Variants in SPPL2A observed in about 807,000 individuals in gnomAD.
SPPL2A encodes signal peptide peptidase-like 2A.
SPPL2A carries 51 observed loss-of-function variants against 63.8 expected under a neutral mutation model. The ratio of observed to expected loss-of-function variants is 0.80; its 90% CI spans 0.64 to 1.01. The LOEUF is 1.01. SPPL2A is among the 50% of genes least tolerant of loss of function. SPPL2A has a pLI of 0.00. For missense variants in SPPL2A, 553 were observed against 622.7 expected, an observed-to-expected ratio of 0.89 and a Z score of 1.19; for synonymous variants, 188 against 205.8, an observed-to-expected ratio of 0.91 and a Z score of 0.74.
Position 50,765,625 on chromosome 15 carries a change from G to T in SPPL2A, c.-92C>A. The T allele has an allele frequency of 1.1e-6, 1 of 927,488 alleles. No individual in the cohort carries two copies. Among genetic ancestry groups the T allele is most frequent in the Non-Finnish European group, 1.5e-6 (1 of 685,822 alleles). 57.5% of individuals were successfully genotyped at this position (927,488 alleles called of 1,614,324 possible). A position where few individuals can be genotyped will look rare whatever the true frequency, so the allele number is the denominator to read the frequency against. On this transcript the variant is annotated 5_prime_UTR_variant, in exon 1 of 15. Transcript: ENST00000261854. ...GTCCCGCCGCTGCGCTGCCTCCGTG[G>T]CCGGACCGGACCGGACAGGCGCGGG... is the stretch of plus-strand genomic sequence containing the variant.
At chr15:50,725,822 C>T in intron 11 of SPPL2A, 1 of 232,078 alleles carries the variant, frequency 4.3e-6, no homozygotes, top group Non-Finnish European at 8.7e-6. Flanking sequence ...TATCTATTTC[C>T]AAAAGAAAAA....
Position 50,759,742 on chromosome 15 carries a change from C to CA in SPPL2A, c.66+5725dup, listed in dbSNP as rs1033241605. Among the ~76,000 whole-genome samples, 685 of 112,480 alleles carry CA rather than the reference C, an allele frequency of 6.1e-3. 4 individuals carry two copies. The highest frequency in any genetic ancestry group is 0.011 in the African/African-American group (317 of 30,176). The allele number at this position is 112,480 out of a possible 152,430, so 73.8% of individuals were successfully genotyped here. ...TGGGCGACAGAACGAGACTCTGTCT[C>CA]AAAAAAAAAAAAAGAAAGAAAAGAA... On this transcript the variant is annotated intron_variant, in intron 1 of 14. Transcript: ENST00000261854.
chr15:50,740,447 A>AAAAAG (rs2062811084), intron 5 of SPPL2A, among the ~76,000 whole-genome samples: 4 of 128,362 alleles, frequency 3.1e-5, no homozygotes, highest in Non-Finnish European at 6.7e-5. Flanking sequence ...AAAAAAAAAG[A>AAAAAG]AAAAAAAAAG....
At position 50,705,658 on chromosome 15, in the gene SPPL2A, A is replaced by T. The variant is rs1289884826; in HGVS notation, c.*2142T>A. On this transcript the variant is annotated 3_prime_UTR_variant, in exon 15 of 15. Coordinates refer to ENST00000261854, the MANE Select transcript of SPPL2A (RefSeq NM_032802.4). ...TAAGTCATTTGCCATAAACGAAAGGACCCATAACTGCATTAAGCAGAGAGG... is the reference window on the plus strand; with the variant it reads ...TAAGTCATTTGCCATAAACGAAAGGTCCCATAACTGCATTAAGCAGAGAGG... 6.6e-6 allele frequency: 1 copy of T among 152,210 alleles called. No homozygotes were observed. Among genetic ancestry groups the T allele is most frequent in the Non-Finnish European group, 1.5e-5 (1 of 68,036 alleles). The allele number at this position is 152,210 out of a possible 1,614,324, so 9.4% of individuals were successfully genotyped here. A position where few individuals can be genotyped will look rare whatever the true frequency, so the allele number is the denominator to read the frequency against.
In SPPL2A at chr15:50,765,461, C is replaced by T. The variant is rs1171418818; in HGVS notation, c.66+7G>A. The stretch of plus-strand genomic sequence containing the variant: ...TGGGAGGCCTGCGCGCCTTCCCGCC[C>T]CCTTACCAGCTGGAGCAGGAAGCCC... On this transcript the variant is annotated splice_region_variant and intron_variant, in intron 1 of 14. Transcript: ENST00000261854. 3 of 1,501,638 alleles carry T rather than the reference C, an allele frequency of 2.0e-6. No individual in the cohort carries two copies. Among genetic ancestry groups the T allele is most frequent in the Non-Finnish European group, 2.6e-6 (3 of 1,132,868 alleles). 93.0% of individuals were successfully genotyped at this position (1,501,638 alleles called of 1,614,324 possible). A position where few individuals can be genotyped will look rare whatever the true frequency, so the allele number is the denominator to read the frequency against.
chr15:50,707,949 ATTC>A (rs2062524535), intron 14 of SPPL2A, 75 bp from the exon 15 acceptor site: 11 of 791,452 alleles, frequency 1.4e-5, no homozygotes, highest in Non-Finnish European at 2.2e-5. Flanking sequence ...TAGCAAAAGG[ATTC>A]TTTTTCTAAA....
chr15:50,747,510 C>T lies in SPPL2A; in HGVS notation c.569G>A (p.Ser190Asn). The T allele has an allele frequency of 6.2e-7, 1 of 1,610,552 alleles. No homozygotes were observed. The highest frequency in any genetic ancestry group is 1.1e-5 in the South Asian group (1 of 90,534). The change falls in exon 5 of 15, where the codon AGT becomes AAT. Residue 190 changes from serine to asparagine, a missense_variant. By Grantham distance (46) the Ser-to-Asn change is conservative. Coordinates refer to ENST00000261854, the MANE Select transcript of SPPL2A (RefSeq NM_032802.4). The stretch of plus-strand genomic sequence containing the variant: ...TTAAACTTACAATTCAACTAGTCCA[C>T]TCCAGTATCCACCTAATGCCACAGT... Reference protein sequence around the residue: ...VFTVALGGYWSGLVELENLKA... With the variant: ...VFTVALGGYWNGLVELENLKA...
At chr15:50,719,375 G>A (rs953039449) in intron 14 of SPPL2A, among the ~76,000 whole-genome samples, 1 of 152,092 alleles carries the variant, frequency 6.6e-6, no homozygotes, top group Non-Finnish European at 1.5e-5. Flanking sequence ...CTCCCAAGTA[G>A]CTGGGATTAC....
chr15:50,718,212 C>T (rs945722787), intron 14 of SPPL2A, among the ~76,000 whole-genome samples: 2 of 151,852 alleles, frequency 1.3e-5, no homozygotes, highest in Admixed American at 6.6e-5. Context: ...CTCCTGACCT[C>T]GTGATCCTCC....
intron 5 of SPPL2A, among the ~76,000 whole-genome samples, chr15:50,740,449 A>G (rs1023627708): frequency 6.6e-6 from 1 of 151,336 alleles, no homozygotes; most frequent in Non-Finnish European, 1.5e-5. Flanking sequence ...AAAAAAAGAA[A>G]AAAAAAAGAG....
rs1042819385 is a variant in SPPL2A at position 50,703,980 on chromosome 15, G to A, written c.*3820C>T. 6.6e-6 allele frequency: 1 copy of A among 152,092 alleles called. No individual in the cohort carries two copies. The highest frequency in any genetic ancestry group is 6.6e-5 in the Admixed American group (1 of 15,252). 9.4% of individuals were successfully genotyped at this position (152,092 alleles called of 1,614,324 possible). A position where few individuals can be genotyped will look rare whatever the true frequency, so the allele number is the denominator to read the frequency against. ...GTAAAATATAAGAATGCCAATAGCA[G>A]ATGGGTTAAAATTCTCTTTAAAAGA... On this transcript the variant is annotated 3_prime_UTR_variant, in exon 15 of 15. Coordinates refer to ENST00000261854, the MANE Select transcript of SPPL2A (RefSeq NM_032802.4).
chr15:50,718,074 C>T (rs60695341), intron 14 of SPPL2A, among the ~76,000 whole-genome samples: 25,356 of 150,366 alleles, frequency 0.17, 2,691 homozygotes, highest in East Asian at 0.47. Context: ...CAGGTTCACG[C>T]CATTCTCCTG....
chr15:50,754,040 G>A (rs928542015), intron 1 of SPPL2A, among the ~76,000 whole-genome samples: 2 of 152,124 alleles, frequency 1.3e-5, no homozygotes, highest in Admixed American at 1.3e-4. Flanking sequence ...CAGACGATCC[G>A]CCCGTCTCAG....
intron 5 of SPPL2A, among the ~76,000 whole-genome samples, chr15:50,746,436 CAAAAAAAAAAAAAA>C (rs71127139): frequency 1.1e-5 from 1 of 87,052 alleles, no homozygotes; most frequent in Non-Finnish European, 2.3e-5. Context: ...GACTCTGTAT[CAAAAAAAAAAAAAA>C]AAAAAAAAAA....
intron 1 of SPPL2A, among the ~76,000 whole-genome samples, chr15:50,758,613 C>G (rs2062981721): frequency 1.3e-5 from 2 of 152,048 alleles, no homozygotes; most frequent in African/African-American, 2.4e-5. Context: ...TAGGCGTGAG[C>G]CATCATGCCC....
At chr15:50,748,255 T>A in intron 3 of SPPL2A, 53 bp from the exon 4 acceptor site, 1 of 654,084 alleles carries the variant, frequency 1.5e-6, no homozygotes, top group Non-Finnish European at 2.4e-6. Flanking sequence ...ATTTATAGAA[T>A]AAAATACTAT....
intron 14 of SPPL2A, among the ~76,000 whole-genome samples, chr15:50,708,183 T>C (rs2062526911): frequency 1.3e-5 from 2 of 152,168 alleles, no homozygotes; most frequent in Admixed American, 1.3e-4. Flanking sequence ...AAAAGGAAGA[T>C]ATTCCTGACA....
intron 14 of SPPL2A, among the ~76,000 whole-genome samples, chr15:50,709,893 C>T (rs915689580): frequency 1.3e-5 from 2 of 151,928 alleles, no homozygotes; most frequent in Non-Finnish European, 2.9e-5. Flanking sequence ...CAAAGATATC[C>T]CCTAGATTTA....
At chr15:50,734,295 A>T (rs1258745222) in intron 8 of SPPL2A, among the ~76,000 whole-genome samples, 1 of 152,162 alleles carries the variant, frequency 6.6e-6, no homozygotes. Context: ...TATATATATA[A>T]TTTTACAAAT....
Sources: allele counts gnomAD v4.1 joint callset (sites outside exome capture counted in the v4.1 genomes callset), GRCh38; gene constraint gnomAD v4.1.1; transcripts MANE v1.5; gene names NCBI Gene and HGNC (gene_info 2026-07-23, HGNC 2026-07-21).